The following PTPRR variants were observed in gnomAD, a reference collection of about 807,000 sequenced individuals.
PTPRR encodes protein tyrosine phosphatase receptor type R.
A neutral mutation model predicts 77.2 loss-of-function variants in PTPRR; 38 were observed. The ratio of observed to expected loss-of-function variants is 0.49; its 90% CI spans 0.38 to 0.65. PTPRR has a LOEUF of 0.65. Ranked by LOEUF, PTPRR falls within the 30% of genes least tolerant of loss-of-function variation. The pLI is 0.00. For missense variants in PTPRR, 744 were observed against 799.2 expected (o/e 0.93, Z 0.83); for synonymous variants, 299 against 283.1 (o/e 1.06, Z -0.57).
chr12:70,901,089 G>A (rs1893526237), intron 1 of PTPRR, among the ~76,000 whole-genome samples: 1 of 151,464 alleles, frequency 6.6e-6, no homozygotes, highest in Non-Finnish European at 1.5e-5. Context: ...TTTCCTTTGA[G>A]CATCATGTTG....
intron 2 of PTPRR, among the ~76,000 whole-genome samples, chr12:70,780,911 A>G (rs1317978637): frequency 1.3e-5 from 2 of 152,210 alleles, no homozygotes; most frequent in African/African-American, 4.8e-5. Flanking sequence ...TGTAAAGACC[A>G]TATAATCTGG....
intron 6 of PTPRR, among the ~76,000 whole-genome samples, chr12:70,743,357 G>C (rs1004084002): frequency 4.6e-5 from 7 of 152,176 alleles, no homozygotes; most frequent in African/African-American, 1.7e-4. Flanking sequence ...AGAATGAAAG[G>C]TGGGAGAAGA....
intron 6 of PTPRR, among the ~76,000 whole-genome samples, chr12:70,735,045 C>T (rs1377658512): frequency 6.6e-6 from 1 of 152,034 alleles, no homozygotes; most frequent in Middle Eastern, 3.4e-3. Context: ...AATAAAAAAC[C>T]CTATGAAAAT....
At chr12:70,679,232 T>G (rs1887565129) in intron 10 of PTPRR, among the ~76,000 whole-genome samples, 1 of 152,200 alleles carries the variant, frequency 6.6e-6, no homozygotes, top group Non-Finnish European at 1.5e-5. Context: ...ATTTGTAAAG[T>G]TTCTGAATTT....
At chr12:70,857,233 T>C (rs1436656268) in intron 2 of PTPRR, among the ~76,000 whole-genome samples, 1 of 152,030 alleles carries the variant, frequency 6.6e-6, no homozygotes, top group Non-Finnish European at 1.5e-5. Flanking sequence ...ACACCAGAAT[T>C]TTGGAAAGCT....
At chr12:70,732,930 C>A (rs1192507537) in intron 6 of PTPRR, among the ~76,000 whole-genome samples, 1 of 151,992 alleles carries the variant, frequency 6.6e-6, no homozygotes, top group East Asian at 1.9e-4. Context: ...GAACTTGTTC[C>A]TTTTTTCATA....
rs778180862 is a variant in PTPRR, at chr12:70,684,096, A to G, written c.1497+31T>C. The G allele has an allele frequency of 1.3e-5, 21 of 1,607,950 alleles. No homozygotes were observed. In the South Asian group the frequency reaches 1.8e-4, roughly 14 times the overall value. On this transcript the variant is annotated intron_variant, in intron 10 of 13. Transcript: ENST00000283228. ...TCTCTTCTATAGCAACAGAACACAT[A>G]TAACATTCAGAACTTGATTAAAGAT...
chr12:70,745,015 A>G (rs141751779), intron 6 of PTPRR, among the ~76,000 whole-genome samples: 56 of 152,340 alleles, frequency 3.7e-4, no homozygotes, highest in African/African-American at 1.2e-3. Flanking sequence ...TATAAAGTGA[A>G]TCACATGTAT....
At chr12:70,798,040 C>T (rs1406157328) in intron 2 of PTPRR, among the ~76,000 whole-genome samples, 3 of 152,244 alleles carry the variant, frequency 2.0e-5, no homozygotes, top group Middle Eastern at 3.4e-3. Flanking sequence ...CCTGATATCT[C>T]GATTGAGATG....
intron 2 of PTPRR, among the ~76,000 whole-genome samples, chr12:70,876,971 TCA>T (rs1893062266): frequency 6.6e-6 from 1 of 152,140 alleles, no homozygotes. Context: ...GTTGGGTGTC[TCA>T]CAAGAAGGGT....
chr12:70,699,632 A>G (rs2136778502), intron 7 of PTPRR, among the ~76,000 whole-genome samples: 1 of 152,278 alleles, frequency 6.6e-6, no homozygotes, highest in East Asian at 1.9e-4. Context: ...TATTTTTAAA[A>G]TAATTTTTCC....
At chr12:70,743,092 A>G (rs73341059) in intron 6 of PTPRR, among the ~76,000 whole-genome samples, 8,143 of 152,224 alleles carry the variant, frequency 0.053, 735 homozygotes, top group African/African-American at 0.19. Flanking sequence ...AGAAGTGGCC[A>G]TGGTTGGGTG....
At chr12:70,759,572 T>A (rs1156386226) in intron 4 of PTPRR, among the ~76,000 whole-genome samples, 18 of 147,684 alleles carry the variant, frequency 1.2e-4, no homozygotes, top group Non-Finnish European at 1.8e-4. Flanking sequence ...TCCCAGCTAC[T>A]CAGAAGGTTG....
intron 2 of PTPRR, among the ~76,000 whole-genome samples, chr12:70,891,972 C>T (rs1006780359): frequency 2.0e-5 from 3 of 151,894 alleles, no homozygotes; most frequent in African/African-American, 7.3e-5. Context: ...TGATGTTAAA[C>T]CAGAGAGTGA....
Position 70,847,402 on chromosome 12 carries a change from T to C in PTPRR, c.357+45277A>G, listed in dbSNP as rs560084288. Among the ~76,000 whole-genome samples, 5 of 152,318 alleles carry C rather than the reference T, an allele frequency of 3.3e-5. No homozygotes were observed. The East Asian group carries it at 7.7e-4, about 24-fold the overall frequency. On this transcript the variant is annotated intron_variant, in intron 2 of 13. Transcript: ENST00000283228. ...CTAAAAGCCAATAGAAATTATAATATGGTCAGTCTAGTTGGCTCTGATATT... is the reference window on the plus strand; with the variant it reads ...CTAAAAGCCAATAGAAATTATAATACGGTCAGTCTAGTTGGCTCTGATATT...
At chr12:70,701,056 G>A in intron 7 of PTPRR, 81 bp downstream of exon 7, 1 of 1,448,366 alleles carries the variant, frequency 6.9e-7, no homozygotes, top group Non-Finnish European at 9.6e-7. Flanking sequence ...TTAAGTATAG[G>A]ACAGTATCAT....
At chr12:70,917,951 C>G (rs561592655) in intron 1 of PTPRR, among the ~76,000 whole-genome samples, 16 of 152,296 alleles carry the variant, frequency 1.1e-4, no homozygotes, top group African/African-American at 3.8e-4. Context: ...GTTAAAGAGG[C>G]CTGAATGTAT....
At chr12:70,827,828 C>G (rs1401249310) in intron 2 of PTPRR, among the ~76,000 whole-genome samples, 1 of 148,194 alleles carries the variant, frequency 6.7e-6, no homozygotes, top group African/African-American at 2.5e-5. Context: ...TCAAGCAATT[C>G]TCCTGTCTCA....
intron 2 of PTPRR, among the ~76,000 whole-genome samples, chr12:70,870,719 T>C (rs1316965364): frequency 6.6e-6 from 1 of 152,258 alleles, no homozygotes; most frequent in East Asian, 1.9e-4. Flanking sequence ...ACTGTGTTGC[T>C]GATGCTTGTT....
Sources: allele counts gnomAD v4.1 joint callset (sites outside exome capture counted in the v4.1 genomes callset), GRCh38; gene constraint gnomAD v4.1.1; transcripts MANE v1.5; gene names NCBI Gene and HGNC (gene_info 2026-07-23, HGNC 2026-07-21).